SUGCT: variants seen among roughly 807,000 people sequenced by gnomAD.
SUGCT encodes the protein succinyl-CoA:glutarate-CoA transferase.
In SUGCT, 41 loss-of-function variants were observed where a neutral mutation model predicts 55.0. The ratio of observed to expected loss-of-function variants is 0.74; its 90% CI spans 0.58 to 0.97. SUGCT has a LOEUF of 0.97. SUGCT is among the 50% of genes least tolerant of loss of function. The pLI is 0.00. For missense variants in SUGCT, 568 were observed against 547.8 expected, an observed-to-expected ratio of 1.04 and a Z score of -0.37; for synonymous variants, 187 against 200.4, an observed-to-expected ratio of 0.93 and a Z score of 0.56.
chr7:40,902,641 T>A, the SUGCT span, among the ~76,000 whole-genome samples: 1 of 151,876 alleles, frequency 6.6e-6, no homozygotes, highest in East Asian at 1.9e-4. Flanking sequence ...GCAGCCTATC[T>A]ATAAAGCCAT....
chr7:40,534,295 T>C (rs2151601814), intron 12 of SUGCT, among the ~76,000 whole-genome samples: 1 of 152,310 alleles, frequency 6.6e-6, no homozygotes, highest in South Asian at 2.1e-4. Context: ...TTGATCTTAT[T>C]GATAGTGTTC....
At chr7:40,691,523 G>A (rs1197555794) in intron 12 of SUGCT, among the ~76,000 whole-genome samples, 1 of 152,134 alleles carries the variant, frequency 6.6e-6, no homozygotes, top group East Asian at 1.9e-4. Context: ...TTTGATATAT[G>A]TTAGATATAC....
At chr7:40,459,391 A>G (rs976522658) in intron 11 of SUGCT, among the ~76,000 whole-genome samples, 193 bp downstream of exon 11, 1 of 152,106 alleles carries the variant, frequency 6.6e-6, no homozygotes, top group African/African-American at 2.4e-5. Flanking sequence ...ACTTGAACAC[A>G]TTTTATGTTT....
the SUGCT span, among the ~76,000 whole-genome samples, chr7:40,872,942 A>G: frequency 6.6e-6 from 1 of 152,166 alleles, no homozygotes; most frequent in Non-Finnish European, 1.5e-5. Flanking sequence ...AGTGTTGAGC[A>G]TGAGAGGCGT....
chr7:40,303,331 G>T (rs1794651539), intron 8 of SUGCT, among the ~76,000 whole-genome samples: 1 of 152,122 alleles, frequency 6.6e-6, no homozygotes, highest in Non-Finnish European at 1.5e-5. Context: ...ACCTCGCCCG[G>T]CCAAGAAAGC....
rs116282987 is a variant in SUGCT at position 40,741,897 on chromosome 7, A to G, written c.1090-7537A>G. 9.3e-3 allele frequency among the ~76,000 whole-genome samples: 1,410 copies of G among 152,320 alleles called. 15 individuals are homozygous for G. Among genetic ancestry groups the G allele is most frequent in the African/African-American group, 0.032 (1,325 of 41,576 alleles). ...ATCCAGAACTAAATATTTGGAGTATATACACACTGATACAAGTAGAAAAAA... is the reference window on the plus strand; with the variant it reads ...ATCCAGAACTAAATATTTGGAGTATGTACACACTGATACAAGTAGAAAAAA... On this transcript the variant is annotated intron_variant, in intron 12 of 13. Coordinates refer to ENST00000335693, the MANE Select transcript of SUGCT (RefSeq NM_001193313.2).
chr7:40,720,603 T>C lies in SUGCT; in HGVS notation c.1090-28831T>C, dbSNP rs528172356. 6.6e-5 allele frequency among the ~76,000 whole-genome samples: 10 copies of C among 152,320 alleles called. No homozygotes were observed. In the East Asian group the frequency reaches 1.7e-3, roughly 26 times the overall value. Reference sequence around the variant, plus strand: ...TGACTACAGTATTAGTCAGACTCTTTCCAGCTGAAACAAGAAGTTTTTAAG... The same window carrying C: ...TGACTACAGTATTAGTCAGACTCTTCCCAGCTGAAACAAGAAGTTTTTAAG... On this transcript the variant is annotated intron_variant, in intron 12 of 13. Transcript: ENST00000335693.
intron 3 of SUGCT, among the ~76,000 whole-genome samples, chr7:40,187,144 A>T (rs1438412794): frequency 1.3e-5 from 2 of 152,184 alleles, no homozygotes; most frequent in African/African-American, 4.8e-5. Flanking sequence ...AGGGACATGG[A>T]TGAAGCTGGA....
At chr7:40,719,859 G>C (rs961060575) in intron 12 of SUGCT, among the ~76,000 whole-genome samples, 3 of 152,046 alleles carry the variant, frequency 2.0e-5, no homozygotes, top group Admixed American at 6.6e-5. Flanking sequence ...GCAGTGGCAC[G>C]ATCTCGGTTC....
At chr7:40,851,621 G>C (rs1793857705) in intron 13 of SUGCT, among the ~76,000 whole-genome samples, 1 of 152,170 alleles carries the variant, frequency 6.6e-6, no homozygotes, top group Non-Finnish European at 1.5e-5. Context: ...CCATCCCTTA[G>C]AGGACCACAG....
At chr7:40,528,543 G>A (rs899744594) in intron 12 of SUGCT, among the ~76,000 whole-genome samples, 4 of 152,066 alleles carry the variant, frequency 2.6e-5, no homozygotes, top group African/African-American at 7.2e-5. Context: ...TATGATCTTC[G>A]TTTCTGTCTT....
At chr7:40,608,020 A>T (rs1798607370) in intron 12 of SUGCT, among the ~76,000 whole-genome samples, 1 of 152,182 alleles carries the variant, frequency 6.6e-6, no homozygotes, top group Non-Finnish European at 1.5e-5. Flanking sequence ...TCAACCTGTG[A>T]GTTCTATTAT....
At chr7:40,744,762 G>A (rs1337348520) in intron 12 of SUGCT, among the ~76,000 whole-genome samples, 4 of 152,198 alleles carry the variant, frequency 2.6e-5, no homozygotes, top group Admixed American at 6.5e-5. Context: ...AGCAGCACCT[G>A]CTGTTACTAC....
At chr7:40,449,756 T>C (rs1286702646) in intron 10 of SUGCT, among the ~76,000 whole-genome samples, 1 of 152,154 alleles carries the variant, frequency 6.6e-6, no homozygotes, top group Non-Finnish European at 1.5e-5. Context: ...GAACCATATA[T>C]AGTTAAGCTA....
chr7:40,836,879 T>C (rs1231854024), intron 13 of SUGCT, among the ~76,000 whole-genome samples: 1 of 152,196 alleles, frequency 6.6e-6, no homozygotes, highest in East Asian at 1.9e-4. Flanking sequence ...GTTTCCAGAT[T>C]TTGCATTACA....
chr7:40,537,212 C>T (rs1794411433), intron 12 of SUGCT, among the ~76,000 whole-genome samples: 1 of 152,108 alleles, frequency 6.6e-6, no homozygotes, highest in Admixed American at 6.5e-5. Context: ...TGTGCATTCC[C>T]CTTTGAGAAG....
chr7:40,199,496 A>ATAT (rs1280098390), intron 6 of SUGCT, among the ~76,000 whole-genome samples: 1 of 152,212 alleles, frequency 6.6e-6, no homozygotes, highest in African/African-American at 2.4e-5. Context: ...TCTGAAGGAC[A>ATAT]TATTTATATT....
chr7:40,618,138 A>G lies in SUGCT; in HGVS notation c.1089+121752A>G, dbSNP rs1799098989. Among the ~76,000 whole-genome samples the G allele has an allele frequency of 2.0e-5, 3 of 152,126 alleles. No homozygotes were observed. In the South Asian group the frequency reaches 6.2e-4, roughly 32 times the overall value. ...TAAGTTGGTTTTGACATTCTTTATT[A>G]CTGCTATCTTTCTTTTTTGATCCTC... On this transcript the variant is annotated intron_variant, in intron 12 of 13. Transcript: ENST00000335693.
intron 6 of SUGCT, among the ~76,000 whole-genome samples, chr7:40,236,259 T>C (rs889539783): frequency 1.3e-5 from 2 of 151,882 alleles, no homozygotes; most frequent in African/African-American, 4.8e-5. Context: ...GGTTTCACTG[T>C]GTTGGCCAGG....
Sources: gnomAD v4.1 joint callset for allele counts (sites outside exome capture counted in the v4.1 genomes callset) on GRCh38, gnomAD v4.1.1 for gene constraint, MANE v1.5 for transcripts, NCBI Gene and HGNC (gene_info 2026-07-23, HGNC 2026-07-21) for gene names.